Variants in PCYOX1 observed in about 807,000 individuals in gnomAD.
The protein encoded by PCYOX1 is prenylcysteine oxidase 1, also known as prenylcysteine lyase.
In PCYOX1, 46 loss-of-function variants were observed where a neutral mutation model predicts 46.4. The observed-to-expected ratio is 0.99, with a 90% CI of 0.78 to 1.27. The LOEUF (loss-of-function observed/expected upper bound fraction) is 1.27. PCYOX1 is among the 50% of genes most tolerant of loss of function. PCYOX1 has a pLI of 0.00. For missense variants in PCYOX1, 658 were observed against 628.3 expected, an observed-to-expected ratio of 1.05 and a Z score of -0.51; for synonymous variants, 220 against 231.8, an observed-to-expected ratio of 0.95 and a Z score of 0.46.
chr2:70,257,983 A>C (rs1318437440), upstream of PCYOX1: 1 of 465,540 alleles, frequency 2.1e-6, no homozygotes, highest in Non-Finnish European at 3.7e-6. Context: ...AGTGGCCCAG[A>C]GTGGGGAGCT....
At chr2:70,267,005 G>A (rs1466352000) in intron 3 of PCYOX1, among the ~76,000 whole-genome samples, 3 of 152,038 alleles carry the variant, frequency 2.0e-5, no homozygotes, top group Non-Finnish European at 2.9e-5. Context: ...GGTGGCGGCT[G>A]GGCAGAGGGG....
intron 5 of PCYOX1, among the ~76,000 whole-genome samples, chr2:70,276,030 G>A (rs1247223799): frequency 2.0e-5 from 3 of 150,618 alleles, no homozygotes; most frequent in Non-Finnish European, 3.0e-5. Context: ...AACCCAGGGG[G>A]CAGAGGTTGC....
At chr2:70,264,737 C>T (rs947407924) in intron 3 of PCYOX1, among the ~76,000 whole-genome samples, 3 of 151,474 alleles carry the variant, frequency 2.0e-5, no homozygotes, top group South Asian at 2.1e-4. Context: ...ATTTACGGGC[C>T]GGGCGCGGTG....
At chr2:70,275,289 CATT>C in intron 4 of PCYOX1, 119 bp downstream of exon 4, 1 of 941,078 alleles carries the variant, frequency 1.1e-6, no homozygotes, top group South Asian at 1.5e-5. Flanking sequence ...GAACCTCAGA[CATT>C]GTTAGCAAAA....
At chr2:70,276,351 C>T (rs952043534) in intron 5 of PCYOX1, among the ~76,000 whole-genome samples, 3 of 151,476 alleles carry the variant, frequency 2.0e-5, no homozygotes, top group African/African-American at 7.3e-5. Flanking sequence ...GGACTATAGG[C>T]GCCTGCCACC....
chr2:70,259,654 T>G, intron 2 of PCYOX1, 88 bp downstream of exon 2: 1 of 997,396 alleles, frequency 1.0e-6, no homozygotes, highest in Non-Finnish European at 1.6e-6. Context: ...ATTTCTGCCT[T>G]GTTAATTGCC....
At chr2:70,270,005 C>T (rs544318512) in intron 3 of PCYOX1, among the ~76,000 whole-genome samples, 98 of 150,820 alleles carry the variant, frequency 6.5e-4, no homozygotes, top group Middle Eastern at 3.4e-3. Flanking sequence ...CTCTTTCTTT[C>T]TTTCTTTCGA....
At chr2:70,260,844 G>A (rs1161104014) in intron 2 of PCYOX1, among the ~76,000 whole-genome samples, 4 of 152,010 alleles carry the variant, frequency 2.6e-5, no homozygotes, top group African/African-American at 9.7e-5. Context: ...GAGGGCGAAG[G>A]TATACCCAGA....
chr2:70,259,863 T>C (rs1696411993), intron 2 of PCYOX1, among the ~76,000 whole-genome samples: 1 of 152,286 alleles, frequency 6.6e-6, no homozygotes, highest in African/African-American at 2.4e-5. Context: ...TCGCTCAGGC[T>C]GGAGTGCAAT....
At chr2:70,259,236 C>T in intron 1 of PCYOX1, 124 bp from the exon 2 acceptor site, 1 of 824,214 alleles carries the variant, frequency 1.2e-6, no homozygotes, top group Non-Finnish European at 2.0e-6. Flanking sequence ...TCACTCTTCC[C>T]CCACCAAATT....
At chr2:70,272,697 TTTA>T (rs982954121) in intron 3 of PCYOX1, among the ~76,000 whole-genome samples, 4 of 134,008 alleles carry the variant, frequency 3.0e-5, no homozygotes, top group Admixed American at 7.8e-5. Flanking sequence ...TGTTTTTTCA[TTTA>T]TTATTATTAT....
chr2:70,269,307 A>G (rs1393368676), intron 3 of PCYOX1, among the ~76,000 whole-genome samples: 1 of 148,696 alleles, frequency 6.7e-6, no homozygotes, highest in East Asian at 2.0e-4. Context: ...GGCTGGGACT[A>G]CAGATGTGCA....
rs560852974 is a variant in PCYOX1 at position 70,275,511 on chromosome 2, CAG to C, written c.707-2_707-1del. 547 of 1,612,798 alleles carry C rather than the reference CAG, an allele frequency of 3.4e-4. 1 individual carries two copies. The highest frequency in any genetic ancestry group is 4.3e-4 in the Non-Finnish European group (508 of 1,179,610). ...TAAAACACATTTTTCCTCCTATTGA[CAG>C]GGGCGGTGTCACTGTCCTGTTCTGA... On this transcript the variant is annotated splice_acceptor_variant, in intron 4 of 5. Coordinates refer to ENST00000433351, the MANE Select transcript of PCYOX1 (RefSeq NM_016297.4). LOFTEE classifies it high-confidence loss of function.
chr2:70,274,777 T>C (rs1217799832), intron 3 of PCYOX1, 182 bp from the exon 4 acceptor site: 3 of 587,286 alleles, frequency 5.1e-6, no homozygotes, highest in Non-Finnish European at 6.1e-6. Context: ...TTGGCCAGGC[T>C]GGTCTTGAAC....
Position 70,258,193 on chromosome 2 carries a change from C to T in PCYOX1, c.29C>T (p.Ser10Phe), listed in dbSNP as rs779635667. Residue 10 changes from serine to phenylalanine, a missense_variant, in exon 1 of 6, where the codon TCC becomes TTC. Ser to Phe is a radical substitution (Grantham distance 155, BLOSUM62 -2). Coordinates refer to ENST00000433351, the MANE Select transcript of PCYOX1 (RefSeq NM_016297.4). MGRVVAELV[S>F]SLLGLWLLLC... The stretch of plus-strand genomic sequence containing the variant: ...GGGCGCGTCGTCGCGGAGCTCGTCT[C>T]CTCGCTGCTGGGGTTGTGGCTGTTG... 49 of 1,598,446 alleles carry T rather than the reference C, an allele frequency of 3.1e-5. No individual in the cohort carries two copies. In the South Asian group the frequency reaches 3.9e-4, roughly 13 times the overall value.
upstream of PCYOX1, chr2:70,258,106 C>A (rs904405632): frequency 2.9e-6 from 4 of 1,381,482 alleles, no homozygotes; most frequent in African/African-American, 3.0e-5. Context: ...AGCGCGCAGC[C>A]GCGCAGCGGT....
chr2:70,258,291 G>T lies in PCYOX1; in HGVS notation c.112+15G>T, dbSNP rs199894770. The T allele has an allele frequency of 5.8e-6, 9 of 1,546,724 alleles. No homozygotes were observed. The Admixed American group carries it at 1.4e-4, about 25-fold the overall frequency. ...AGATAAAATCGGTAGGCGAGAAGGGGGCGGCGCGGGAAGGTGCTGGAGCGC... is the reference window on the plus strand; with the variant it reads ...AGATAAAATCGGTAGGCGAGAAGGGTGCGGCGCGGGAAGGTGCTGGAGCGC... On this transcript the variant is annotated intron_variant, in intron 1 of 5. Transcript: ENST00000433351.
chr2:70,276,014 C>G (rs13009673), intron 5 of PCYOX1, among the ~76,000 whole-genome samples: 1 of 146,588 alleles, frequency 6.8e-6, no homozygotes, highest in African/African-American at 2.5e-5. Flanking sequence ...GCAGGAGAAT[C>G]ACATGAACCC....
At chr2:70,259,247 G>T in intron 1 of PCYOX1, 113 bp from the exon 2 acceptor site, 1 of 922,128 alleles carries the variant, frequency 1.1e-6, no homozygotes, top group Non-Finnish European at 1.7e-6. Context: ...CCACCAAATT[G>T]TTGGTAATAG....
Sources: gnomAD v4.1 joint callset for allele counts (sites outside exome capture counted in the v4.1 genomes callset) on GRCh38, gnomAD v4.1.1 for gene constraint, MANE v1.5 for transcripts, NCBI Gene and HGNC (gene_info 2026-07-23, HGNC 2026-07-21) for gene names.